Variants in ZNF211 observed in about 807,000 individuals in gnomAD.
The protein encoded by ZNF211 is zinc finger protein 211, also known as zinc finger protein C2H2-25.
ZNF211 carries 18 observed loss-of-function variants against 12.1 expected under a neutral mutation model. The observed-to-expected ratio is 1.48, with a 90% confidence interval of 1.03 to 2.20. The LOEUF (loss-of-function observed/expected upper bound fraction) is 2.20. Among genes scored for constraint, ZNF211 ranks in the 30% most tolerant of loss-of-function variants. The probability of loss-of-function intolerance (pLI) is 0.00; values close to 1 mark genes in which losing one functional copy is unlikely to be tolerated. For missense variants in ZNF211, 677 were observed against 703.1 expected (o/e 0.96, Z 0.42); for synonymous variants, 249 against 246.0 (o/e 1.01, Z -0.11).
intron 3 of ZNF211, among the ~76,000 whole-genome samples, chr19:57,637,383 G>A (rs948956380): frequency 1.3e-5 from 2 of 151,568 alleles, no homozygotes; most frequent in African/African-American, 4.9e-5. Flanking sequence ...AAAAAGTGTT[G>A]CATATTGTCT....
At chr19:57,634,247 A>T (rs916376745) in intron 2 of ZNF211, 186 bp downstream of exon 2, 3 of 597,332 alleles carry the variant, frequency 5.0e-6, no homozygotes, top group Non-Finnish European at 8.1e-6. Flanking sequence ...CATTTGGAGC[A>T]GCCAATGGAA....
rs373659490 is a variant in ZNF211 at position 57,641,732 on chromosome 19, C to T, written c.1285C>T (p.Arg429Trp). The change falls in exon 4 of 4, where the codon CGG (arginine) becomes TGG (tryptophan). Residue 429 changes from arginine (R) to tryptophan (W), a missense_variant. Arg to Trp is a moderately radical substitution (Grantham distance 101). Transcript: ENST00000240731. ...CCGAAGCTCCAGCCTCATTCACCAC[C>T]GGAGACTTCACACTGGAGAAAGACC... ...FSRSSSLIHHRRLHTGERPYE... is the reference protein window; with the variant it reads ...FSRSSSLIHHWRLHTGERPYE... 1.4e-5 allele frequency: 22 copies of T among 1,613,800 alleles called. No homozygotes were observed. Among genetic ancestry groups the T allele is most frequent in the East Asian group, 4.5e-5 (2 of 44,878 alleles).
intron 3 of ZNF211, chr19:57,639,926 T>C: frequency 6.5e-7 from 1 of 1,535,598 alleles, no homozygotes. Context: ...TATATCATCC[T>C]GGTCTCATGT....
intron 1 of ZNF211, 138 bp downstream of exon 1, chr19:57,633,574 T>G: frequency 1.3e-6 from 2 of 1,507,386 alleles, no homozygotes; most frequent in African/African-American, 2.8e-5. Context: ...ACATCCGATG[T>G]GGTGGGCAGG....
intron 3 of ZNF211, among the ~76,000 whole-genome samples, chr19:57,637,492 C>T (rs572653397): frequency 4.1e-4 from 63 of 152,154 alleles, no homozygotes; most frequent in Admixed American, 5.2e-4. Context: ...TGGCCGCAAG[C>T]GATCCTCCTG....
Position 57,640,896 on chromosome 19 carries a change from T to A in ZNF211, c.449T>A (p.Leu150Gln). The A allele has an allele frequency of 6.2e-7, 1 of 1,614,222 alleles. No individual in the cohort carries two copies. Among genetic ancestry groups the A allele is most frequent in the Non-Finnish European group, 8.5e-7 (1 of 1,180,044 alleles). ...EHQGTNCGQK[L>Q]HTCGKQFYIS... ...CAAGGAACAAACTGCGGGCAGAAAC[T>A]ACACACATGTGGAAAACAATTCTAC... Residue 150 changes from leucine to glutamine, a missense_variant, in exon 4 of 4, where the codon CTA (leucine) becomes CAA (glutamine). Transcript: ENST00000240731.
intron 1 of ZNF211, 179 bp from the exon 2 acceptor site, chr19:57,633,844 T>G (rs554598068): frequency 6.3e-7 from 1 of 1,597,294 alleles, no homozygotes; most frequent in Non-Finnish European, 8.5e-7. Context: ...CAGAGGGAGG[T>G]TGAATATTTT....
Position 57,633,410 on chromosome 19 carries a change from G to GCGAC in ZNF211, c.67_70dup (p.Ala24AspfsTer27). Reference sequence around the variant, plus strand: ...CCAGCTCCGCCCACAGACTCGGATGGCGACCGCACTGAGGGACCCGGCTTC... The same window carrying GCGAC: ...CCAGCTCCGCCCACAGACTCGGATGGCGACCGACCGCACTGAGGGACCCGGCTTC... On this transcript the variant is annotated frameshift_variant, in exon 1 of 4. Coordinates refer to ENST00000240731, the MANE Select transcript of ZNF211 (RefSeq NM_006385.5). LOFTEE classifies it high-confidence loss of function. The GCGAC allele has an allele frequency of 1.2e-6, 2 of 1,603,860 alleles. No individual in the cohort carries two copies. Among genetic ancestry groups the GCGAC allele is most frequent in the South Asian group, 2.2e-5 (2 of 90,444 alleles).
chr19:57,640,122 T>C (rs1164673601), intron 3 of ZNF211: 1 of 1,501,950 alleles, frequency 6.7e-7, no homozygotes, highest in African/African-American at 1.4e-5. Context: ...CTTGATGCCA[T>C]TGCCAGAGAC....
chr19:57,642,205 CT>C lies in ZNF211; in HGVS notation c.*28del. On this transcript the variant is annotated 3_prime_UTR_variant, in exon 4 of 4. Transcript: ENST00000240731. ...AGCTGTACTGAGAATATGCAATTTC[CT>C]TTTAGTGTAATTATACTGAAGGAGT... 6.4e-7 allele frequency: 1 copy of C among 1,563,138 alleles called. No individual in the cohort carries two copies. The highest frequency in any genetic ancestry group is 8.7e-7 in the Non-Finnish European group (1 of 1,154,874).
chr19:57,633,666 G>C (rs1223454778), intron 1 of ZNF211: 1 of 1,534,338 alleles, frequency 6.5e-7, no homozygotes, highest in Admixed American at 2.0e-5. Context: ...GCTCCACATT[G>C]TTACTGCAGG....
At chr19:57,639,896 C>T (rs554920233) in intron 3 of ZNF211, 348 of 1,527,970 alleles carry the variant, frequency 2.3e-4, no homozygotes, top group Non-Finnish European at 2.9e-4. Flanking sequence ...GCTCACATGT[C>T]CTGTCTTTCC....
In ZNF211 at chr19:57,633,215, C is replaced by T; in HGVS notation, c.-132C>T. The T allele has an allele frequency of 4.3e-6, 4 of 922,200 alleles. No homozygotes were observed. The South Asian group carries it at 5.9e-5, about 14-fold the overall frequency. 57.1% of individuals were successfully genotyped at this position (922,200 alleles called of 1,614,324 possible). A position where few individuals can be genotyped will look rare whatever the true frequency, so the allele number is the denominator to read the frequency against. On this transcript the variant is annotated 5_prime_UTR_variant, in exon 1 of 4. Coordinates refer to ENST00000240731, the MANE Select transcript of ZNF211 (RefSeq NM_006385.5). ...CGCAGCGGTCATTTTGGCTGCCCTC[C>T]CGGAGGTCCGTTCTGTCTGTCAGCC...
intron 3 of ZNF211, among the ~76,000 whole-genome samples, chr19:57,638,820 G>T (rs1466252746): frequency 6.6e-6 from 1 of 152,142 alleles, no homozygotes; most frequent in Non-Finnish European, 1.5e-5. Flanking sequence ...AACTGTTATT[G>T]TAGAACTATC....
intron 3 of ZNF211, among the ~76,000 whole-genome samples, chr19:57,638,892 G>A (rs1982481256): frequency 6.6e-6 from 1 of 152,076 alleles, no homozygotes. Context: ...ATTATTAGGT[G>A]CATAAGTGTT....
chr19:57,642,228 G>T lies in ZNF211; in HGVS notation c.*47G>T, dbSNP rs3746215. ...TCCTTTTAGTGTAATTATACTGAAG[G>T]AGTACACCTGTGAGAGAGACAAGTA... On this transcript the variant is annotated 3_prime_UTR_variant, in exon 4 of 4. Transcript: ENST00000240731. The T allele has an allele frequency of 0.12, 179,034 of 1,530,798 alleles. 10,999 individuals carry two copies. The highest frequency in any genetic ancestry group is 0.25 in the East Asian group (10,853 of 44,238). 94.8% of individuals were successfully genotyped at this position (1,530,798 alleles called of 1,614,324 possible). A position where few individuals can be genotyped will look rare whatever the true frequency, so the allele number is the denominator to read the frequency against.
rs1437630687 is a variant in ZNF211, at chr19:57,643,699, C to A, written c.*1518C>A. 6.6e-6 allele frequency among the ~76,000 whole-genome samples: 1 copy of A among 152,200 alleles called. No individual in the cohort carries two copies. Among genetic ancestry groups the A allele is most frequent in the Non-Finnish European group, 1.5e-5 (1 of 68,032 alleles). Reference sequence around the variant, plus strand: ...CATTATACCATCATTATAATTATTACAATGAACATATCAGTCACCTCGGAT... The same window carrying A: ...CATTATACCATCATTATAATTATTAAAATGAACATATCAGTCACCTCGGAT... On this transcript the variant is annotated 3_prime_UTR_variant, in exon 4 of 4. Coordinates refer to ENST00000240731, the MANE Select transcript of ZNF211 (RefSeq NM_006385.5).
chr19:57,633,311 G>A lies in ZNF211; in HGVS notation c.-36G>A, dbSNP rs540576553. 3.9e-6 allele frequency: 6 copies of A among 1,530,080 alleles called. No homozygotes were observed. The highest frequency in any genetic ancestry group is 2.7e-5 in the African/African-American group (2 of 73,540). 94.8% of individuals were successfully genotyped at this position (1,530,080 alleles called of 1,614,324 possible). ...GCGAGAGTCAGGTCTGAGGGTCGGG[G>A]GCAGAGCCGCCCGCGAGGCCGGCCT... On this transcript the variant is annotated 5_prime_UTR_variant, in exon 1 of 4. Transcript: ENST00000240731.
Position 57,641,310 on chromosome 19 carries a change from A to C in ZNF211, c.863A>C (p.His288Pro). The C allele has an allele frequency of 6.2e-7, 1 of 1,614,246 alleles. No individual in the cohort carries two copies. Among genetic ancestry groups the C allele is most frequent in the Non-Finnish European group, 8.5e-7 (1 of 1,180,048 alleles). Reference protein sequence around the residue: ...ACTRRCNLIQHQKVHSEERPY... With the variant: ...ACTRRCNLIQPQKVHSEERPY... Reference sequence around the variant, plus strand: ...ACGCGAAGATGTAACCTCATTCAGCACCAGAAAGTCCACAGTGAAGAAAGG... The same window carrying C: ...ACGCGAAGATGTAACCTCATTCAGCCCCAGAAAGTCCACAGTGAAGAAAGG... Residue 288 changes from histidine to proline, a missense_variant, in exon 4 of 4, where the codon CAC (histidine) becomes CCC (proline). By Grantham distance (77) the His-to-Pro change is moderately conservative. Coordinates refer to ENST00000240731, the MANE Select transcript of ZNF211 (RefSeq NM_006385.5).
Sources: allele counts gnomAD v4.1 joint callset (sites outside exome capture counted in the v4.1 genomes callset), GRCh38; gene constraint gnomAD v4.1.1; transcripts MANE v1.5; gene names NCBI Gene and HGNC (gene_info 2026-07-23, HGNC 2026-07-21).